The following EVX2 variants were observed in gnomAD, a reference collection of about 807,000 sequenced individuals.
EVX2 encodes homeobox even-skipped homolog protein 2.
Under a neutral mutation model 19.2 loss-of-function variants are expected in EVX2, and 10 were observed. That is an observed-to-expected ratio of 0.52 (90% confidence interval 0.32 to 0.89). EVX2 has a LOEUF of 0.89. EVX2 is among the 40% of genes least tolerant of loss of function. The pLI is 0.03. For synonymous variants in EVX2, 354 were observed against 328.4 expected (o/e 1.08, Z -0.84); for missense variants, 710 against 694.9 (o/e 1.02, Z -0.24).
chr2:176,081,279 G>A lies in EVX2; in HGVS notation c.700-441C>T, dbSNP rs1024983745. On this transcript the variant is annotated intron_variant, in intron 2 of 2. Transcript: ENST00000308618. This position sits in a 1 kb window ranked among gnomAD's most constrained non-coding sequence, Gnocchi z 5.9. ...GAGAGGTCGCCGCGCGAAGTCTTGA[G>A]CCCTCCGAACTGCAAGGACCTGCCC... Among the ~76,000 whole-genome samples the A allele has an allele frequency of 1.3e-5, 2 of 152,188 alleles. No individual in the cohort carries two copies. The highest frequency in any genetic ancestry group is 4.8e-5 in the African/African-American group (2 of 41,452).
chr2:176,082,940 T>C lies in EVX2; in HGVS notation c.427+410A>G, dbSNP rs1294504442. On this transcript the variant is annotated intron_variant, in intron 1 of 2. Transcript: ENST00000308618. This position sits in a 1 kb window ranked among gnomAD's most constrained non-coding sequence, Gnocchi z 5.2. ...AAACAGAGACGCCGGCGAGGCTTCC[T>C]CCGACTTACCCAGAAGAATGCCCCC... is the stretch of plus-strand genomic sequence containing the variant. Among the ~76,000 whole-genome samples the C allele has an allele frequency of 6.6e-6, 1 of 152,234 alleles. No homozygotes were observed. Among genetic ancestry groups the C allele is most frequent in the African/African-American group, 2.4e-5 (1 of 41,470 alleles).
chr2:176,083,381 G>A lies in EVX2; in HGVS notation c.396C>T (p.Gly132=). Residue 132 remains glycine, a synonymous_variant, in exon 1 of 3, where the codon GGC becomes GGT. Transcript: ENST00000308618. The surrounding 1 kb of genome is among the most constrained non-coding windows in gnomAD (Gnocchi z 4.4). The stretch of plus-strand genomic sequence containing the variant: ...CATTGTTTTCCTTAAGCTGAGCGGC[G>A]CCGAGGCCCCCGGGGGAGCGAAGCG... ...CSALRSPGGL[G]AAQLKENNGK... is the part of the protein sequence containing the mutation. 2 of 1,607,264 alleles carry A rather than the reference G, an allele frequency of 1.2e-6. No homozygotes were observed. The highest frequency in any genetic ancestry group is 1.7e-6 in the Non-Finnish European group (2 of 1,176,556).
In EVX2 at chr2:176,082,448, C is replaced by T. The variant is rs769033306; in HGVS notation, c.429G>A (p.Gly143=). The T allele has an allele frequency of 1.9e-6, 3 of 1,544,588 alleles. No individual in the cohort carries two copies. The highest frequency in any genetic ancestry group is 2.3e-5 in the East Asian group (1 of 43,374). ...AAQLKENNGK[G]YAESGSAAGT... ...CGGCAGCCGAGCCGCTCTCTGCGTA[C>T]CCTGGCAAACAAACGACCAACAGCG... is the stretch of plus-strand genomic sequence containing the variant. The change falls in exon 2 of 3, where the codon GGG becomes GGA. Residue 143 remains glycine, a splice_region_variant and synonymous_variant. Coordinates refer to ENST00000308618, the MANE Select transcript of EVX2 (RefSeq NM_001080458.2). This position sits in a 1 kb window ranked among gnomAD's most constrained non-coding sequence, Gnocchi z 5.2.
At position 176,077,703 on chromosome 2, in the gene EVX2, C is replaced by T. The variant is rs1689076299; in HGVS notation, c.*2404G>A. On this transcript the variant is annotated 3_prime_UTR_variant, in exon 3 of 3. Coordinates refer to ENST00000308618, the MANE Select transcript of EVX2 (RefSeq NM_001080458.2). ...TTTACCAACCAGCGTTCTCATCAAT[C>T]ATATATATTTTTTGGGGGAAATGTA... The T allele has an allele frequency of 6.6e-6, 1 of 152,134 alleles. No homozygotes were observed. Among genetic ancestry groups the T allele is most frequent in the African/African-American group, 2.4e-5 (1 of 41,434 alleles). The allele number at this position is 152,134 out of a possible 1,614,324, so 9.4% of individuals were successfully genotyped here.
At position 176,082,565 on chromosome 2, in the gene EVX2, T is replaced by A. The variant is rs1689165013; in HGVS notation, c.428-116A>T. The A allele has an allele frequency of 2.4e-6, 3 of 1,240,706 alleles. No homozygotes were observed. 76.9% of individuals were successfully genotyped at this position (1,240,706 alleles called of 1,614,324 possible). A position where few individuals can be genotyped will look rare whatever the true frequency, so the allele number is the denominator to read the frequency against. On this transcript the variant is annotated intron_variant, in intron 1 of 2. Transcript: ENST00000308618. The surrounding 1 kb of genome is among the most constrained non-coding windows in gnomAD (Gnocchi z 5.2). Reference sequence around the variant, plus strand: ...GAAGGAGAGTCGCTGCCGGAATTGATGGGGTCTGTCATGCTTACAAATTGC... The same window carrying A: ...GAAGGAGAGTCGCTGCCGGAATTGAAGGGGTCTGTCATGCTTACAAATTGC...
rs754898892 is a variant in EVX2 at position 176,080,269 on chromosome 2, GCCA to G, written c.1266_1268del (p.Gly428del). ...CGGCCCCGGCGCCCCCGCCGCCGCC[GCCA>G]CCACCACCACCGCCGCCGCCACCGC... On this transcript the variant is annotated inframe_deletion, in exon 3 of 3. Coordinates refer to ENST00000308618, the MANE Select transcript of EVX2 (RefSeq NM_001080458.2). The surrounding 1 kb of genome is among the most constrained non-coding windows in gnomAD (Gnocchi z 7.0). The G allele has an allele frequency of 1.9e-5, 24 of 1,286,294 alleles. No individual in the cohort carries two copies. Among genetic ancestry groups the G allele is most frequent in the South Asian group, 6.4e-5 (3 of 47,192 alleles). 79.7% of individuals were successfully genotyped at this position (1,286,294 alleles called of 1,614,324 possible).
Position 176,078,889 on chromosome 2 carries a change from T to C in EVX2, c.*1218A>G, listed in dbSNP as rs1689090356. 6.6e-6 allele frequency: 1 copy of C among 152,214 alleles called. No homozygotes were observed. Among genetic ancestry groups the C allele is most frequent in the South Asian group, 2.1e-4 (1 of 4,830 alleles). 9.4% of individuals were successfully genotyped at this position (152,214 alleles called of 1,614,324 possible). On this transcript the variant is annotated 3_prime_UTR_variant, in exon 3 of 3. Coordinates refer to ENST00000308618, the MANE Select transcript of EVX2 (RefSeq NM_001080458.2). ...GGCAGTTAACACTAGTGGGTTTTGA[T>C]GTACCTTTCTTCAAGTTCAAGGAAA...
rs761933531 is a variant in EVX2, at chr2:176,080,084, GC to G, written c.*22del. The G allele has an allele frequency of 1.3e-5, 20 of 1,491,774 alleles. No individual in the cohort carries two copies. The South Asian group carries it at 1.6e-4, about 12-fold the overall frequency. The allele number at this position is 1,491,774 out of a possible 1,614,324, so 92.4% of individuals were successfully genotyped here. On this transcript the variant is annotated 3_prime_UTR_variant, in exon 3 of 3. Coordinates refer to ENST00000308618, the MANE Select transcript of EVX2 (RefSeq NM_001080458.2). This position sits in a 1 kb window ranked among gnomAD's most constrained non-coding sequence, Gnocchi z 7.0. ...GGGCACACTCAGAGAGGCGGGCGCG[GC>G]CCCCTGGCGGTGGCGACGTAGTTAT...
Position 176,080,068 on chromosome 2 carries a change from CAGAG to C in EVX2, c.*35_*38del, listed in dbSNP as rs1559102233. ...CGCACAGGGGACTCCCGGGCACACT[CAGAG>C]AGGCGGGCGCGGCCCCCTGGCGGTG... is the stretch of plus-strand genomic sequence containing the variant. On this transcript the variant is annotated 3_prime_UTR_variant, in exon 3 of 3. Transcript: ENST00000308618. The surrounding 1 kb of genome is among the most constrained non-coding windows in gnomAD (Gnocchi z 7.0). 2.0e-6 allele frequency: 3 copies of C among 1,514,540 alleles called. No individual in the cohort carries two copies. In the South Asian group the frequency reaches 3.7e-5, roughly 19 times the overall value. The allele number at this position is 1,514,540 out of a possible 1,614,324, so 93.8% of individuals were successfully genotyped here. A position where few individuals can be genotyped will look rare whatever the true frequency, so the allele number is the denominator to read the frequency against.
rs1390549554 is a variant in EVX2 at position 176,078,602 on chromosome 2, C to T, written c.*1505G>A. The T allele has an allele frequency of 6.6e-6, 1 of 152,218 alleles. No homozygotes were observed. Among genetic ancestry groups the T allele is most frequent in the Non-Finnish European group, 1.5e-5 (1 of 68,036 alleles). The allele number at this position is 152,218 out of a possible 1,614,324, so 9.4% of individuals were successfully genotyped here. A position where few individuals can be genotyped will look rare whatever the true frequency, so the allele number is the denominator to read the frequency against. ...AAATCGGCAATTGAGATGATAAGAA[C>T]GTGGCTTTCTTCTGCGAAATCACTT... On this transcript the variant is annotated 3_prime_UTR_variant, in exon 3 of 3. Coordinates refer to ENST00000308618, the MANE Select transcript of EVX2 (RefSeq NM_001080458.2).
At position 176,080,898 on chromosome 2, in the gene EVX2, TC is replaced by T; in HGVS notation, c.700-61del. Reference sequence around the variant, plus strand: ...GAGCGCCCCGTGTTCCCAGCTCCTGTCCCAGGACCTCTGCCCCTTCCGGACC... The same window carrying T: ...GAGCGCCCCGTGTTCCCAGCTCCTGTCCAGGACCTCTGCCCCTTCCGGACC... On this transcript the variant is annotated intron_variant, in intron 2 of 2. Coordinates refer to ENST00000308618, the MANE Select transcript of EVX2 (RefSeq NM_001080458.2). This position sits in a 1 kb window ranked among gnomAD's most constrained non-coding sequence, Gnocchi z 7.0. 1 of 1,546,402 alleles carries T rather than the reference TC, an allele frequency of 6.5e-7. No homozygotes were observed. The highest frequency in any genetic ancestry group is 1.2e-5 in the South Asian group (1 of 80,902).
At position 176,083,532 on chromosome 2, in the gene EVX2, G is replaced by T. The variant is rs768525510; in HGVS notation, c.245C>A (p.Thr82Lys). Residue 82 changes from threonine (T) to lysine (K), a missense_variant, in exon 1 of 3, where the codon ACG (threonine) becomes AAG (lysine). By Grantham distance (78) the Thr-to-Lys change is moderately conservative (BLOSUM62 -1). Transcript: ENST00000308618. The surrounding 1 kb of genome is among the most constrained non-coding windows in gnomAD (Gnocchi z 4.4). The part of the protein sequence containing the change: ...EIDTLFNLQH[T>K]GSESTVSSEI... ...GGAGGAGACGGTGCTTTCGCTGCCCGTGTGCTGCAGGTTGAACAAAGTGTC... is the reference window on the plus strand; with the variant it reads ...GGAGGAGACGGTGCTTTCGCTGCCCTTGTGCTGCAGGTTGAACAAAGTGTC... The T allele has an allele frequency of 1.7e-5, 28 of 1,614,060 alleles. No homozygotes were observed. The highest frequency in any genetic ancestry group is 2.2e-5 in the Non-Finnish European group (26 of 1,180,054).
Position 176,081,621 on chromosome 2 carries a change from A to T in EVX2, c.699+557T>A, listed in dbSNP as rs928328209. ...CTCCCAGACGTATAATAAAATTAATAACCTAAAGTTATATATAAATAAGGA... is the reference window on the plus strand; with the variant it reads ...CTCCCAGACGTATAATAAAATTAATTACCTAAAGTTATATATAAATAAGGA... On this transcript the variant is annotated intron_variant, in intron 2 of 2. Transcript: ENST00000308618. This position sits in a 1 kb window ranked among gnomAD's most constrained non-coding sequence, Gnocchi z 5.9. Among the ~76,000 whole-genome samples, 6 of 152,176 alleles carry T rather than the reference A, an allele frequency of 3.9e-5. No individual in the cohort carries two copies. Among genetic ancestry groups the T allele is most frequent in the Admixed American group, 3.9e-4 (6 of 15,270 alleles).
Position 176,082,520 on chromosome 2 carries a change from G to T in EVX2, c.428-71C>A, listed in dbSNP as rs766335060. ...CAGCCCGGCGCTGGCGCTGCGCGCG[G>T]ATCGGGGAAGCCCCGTCAGGAAGGA... On this transcript the variant is annotated intron_variant, in intron 1 of 2. Transcript: ENST00000308618. The surrounding 1 kb of genome is among the most constrained non-coding windows in gnomAD (Gnocchi z 5.2). The T allele has an allele frequency of 1.8e-4, 266 of 1,476,336 alleles. No homozygotes were observed. Among genetic ancestry groups the T allele is most frequent in the Non-Finnish European group, 2.2e-4 (246 of 1,115,912 alleles). 91.5% of individuals were successfully genotyped at this position (1,476,336 alleles called of 1,614,324 possible).
rs780971594 is a variant in EVX2 at position 176,083,541 on chromosome 2, A to C, written c.236T>G (p.Leu79Arg). ...GKFEIDTLFN[L>R]QHTGSESTVS... ...GGTGCTTTCGCTGCCCGTGTGCTGC[A>C]GGTTGAACAAAGTGTCTATTTCGAA... Residue 79 changes from leucine (L) to arginine (R), a missense_variant, in exon 1 of 3, where the codon CTG becomes CGG. Physicochemically the swap from Leu to Arg is moderately radical, Grantham distance 102 (BLOSUM62 -2). Transcript: ENST00000308618. This position sits in a 1 kb window ranked among gnomAD's most constrained non-coding sequence, Gnocchi z 4.4. The C allele has an allele frequency of 1.2e-6, 2 of 1,614,126 alleles. No homozygotes were observed. The highest frequency in any genetic ancestry group is 8.5e-7 in the Non-Finnish European group (1 of 1,180,026).
rs1689185523 is a variant in EVX2 at position 176,083,881 on chromosome 2, T to G, written c.-105A>C. On this transcript the variant is annotated 5_prime_UTR_variant, in exon 1 of 3. Coordinates refer to ENST00000308618, the MANE Select transcript of EVX2 (RefSeq NM_001080458.2). This position sits in a 1 kb window ranked among gnomAD's most constrained non-coding sequence, Gnocchi z 4.4. ...AGCCCCAGCGAACGCCTCTAAATAT[T>G]ATTATCGCTTTCGGAGGGAGGCGGA... The G allele has an allele frequency of 1.9e-6, 2 of 1,042,192 alleles. No homozygotes were observed. The highest frequency in any genetic ancestry group is 4.8e-5 in the Admixed American group (2 of 41,876). The allele number at this position is 1,042,192 out of a possible 1,614,324, so 64.6% of individuals were successfully genotyped here.
In EVX2 at chr2:176,083,353, T is replaced by G; in HGVS notation, c.424A>C (p.Lys142Gln). The G allele has an allele frequency of 1.3e-6, 2 of 1,585,984 alleles. No individual in the cohort carries two copies. The highest frequency in any genetic ancestry group is 2.3e-5 in the East Asian group (1 of 43,284). ...GAAQLKENNG[K>Q]GYAESGSAAG... ...GCGGTGCGGCCGGCGCGGTTACCTT[T>G]GCCATTGTTTTCCTTAAGCTGAGCG... is the stretch of plus-strand genomic sequence containing the variant. The change falls in exon 1 of 3, where the codon AAA becomes CAA. Residue 142 changes from lysine (K) to glutamine (Q), a missense_variant. Lys to Gln is a moderately conservative substitution (Grantham distance 53, BLOSUM62 1). Coordinates refer to ENST00000308618, the MANE Select transcript of EVX2 (RefSeq NM_001080458.2). The surrounding 1 kb of genome is among the most constrained non-coding windows in gnomAD (Gnocchi z 4.4).
rs1264173669 is a variant in EVX2 at position 176,082,313 on chromosome 2, C to A, written c.564G>T (p.Val188=). 2 of 1,598,500 alleles carry A rather than the reference C, an allele frequency of 1.3e-6. No individual in the cohort carries two copies. The highest frequency in any genetic ancestry group is 8.5e-7 in the Non-Finnish European group (1 of 1,177,372). The change falls in exon 2 of 3, where the codon GTG becomes GTT. Residue 188 remains valine (V), a synonymous_variant. Coordinates refer to ENST00000308618, the MANE Select transcript of EVX2 (RefSeq NM_001080458.2). The surrounding 1 kb of genome is among the most constrained non-coding windows in gnomAD (Gnocchi z 5.2). ...LGGSGSGADQ[V]RRYRTAFTRE... ...GGGTGAACGCCGTACGGTAGCGCCG[C>A]ACTTGATCCGCGCCAGAGCCGGAGC...
rs1220338387 is a variant in EVX2, at chr2:176,082,930, C to G, written c.427+420G>C. On this transcript the variant is annotated intron_variant, in intron 1 of 2. Transcript: ENST00000308618. This position sits in a 1 kb window ranked among gnomAD's most constrained non-coding sequence, Gnocchi z 5.2. The stretch of plus-strand genomic sequence containing the variant: ...CCGCTGACCTAAACAGAGACGCCGG[C>G]GAGGCTTCCTCCGACTTACCCAGAA... Among the ~76,000 whole-genome samples, 1 of 152,250 alleles carries G rather than the reference C, an allele frequency of 6.6e-6. No homozygotes were observed. The highest frequency in any genetic ancestry group is 1.5e-5 in the Non-Finnish European group (1 of 68,040).
Sources: allele counts gnomAD v4.1 joint callset (sites outside exome capture counted in the v4.1 genomes callset), GRCh38; gene constraint gnomAD v4.1.1; non-coding constraint Gnocchi (gnomAD v3.1); transcripts MANE v1.5; gene names NCBI Gene and HGNC (gene_info 2026-07-23, HGNC 2026-07-21).